Variants in CTTNBP2NL observed in about 807,000 individuals in gnomAD.
CTTNBP2NL encodes the protein CTTNBP2 N-terminal like.
A neutral mutation model predicts 32.5 loss-of-function variants in CTTNBP2NL; 16 were observed. The ratio of observed to expected loss-of-function variants is 0.49; its 90% CI spans 0.33 to 0.75. The LOEUF is 0.75. Ranked by LOEUF, CTTNBP2NL falls within the 30% of genes least tolerant of loss-of-function variation. The probability of loss-of-function intolerance (pLI) is 0.02; values close to 1 mark genes in which losing one functional copy is unlikely to be tolerated. For missense variants in CTTNBP2NL, 645 were observed against 756.0 expected (o/e 0.85, Z 1.72); for synonymous variants, 298 against 289.4 (o/e 1.03, Z -0.30).
chr1:112,420,950 A>T (rs889108822), intron 3 of CTTNBP2NL, among the ~76,000 whole-genome samples: 15 of 152,226 alleles, frequency 9.9e-5, no homozygotes, highest in African/African-American at 3.6e-4. Flanking sequence ...ACTCAATTGT[A>T]GTGTGATCTT....
At chr1:112,442,759 C>T (rs1649933201) in intron 3 of CTTNBP2NL, among the ~76,000 whole-genome samples, 1 of 151,782 alleles carries the variant, frequency 6.6e-6, no homozygotes, top group Non-Finnish European at 1.5e-5. Flanking sequence ...GGAGCAATCT[C>T]AGCTCACTAT....
chr1:112,431,525 G>A (rs932747409), intron 3 of CTTNBP2NL, among the ~76,000 whole-genome samples: 4 of 152,148 alleles, frequency 2.6e-5, no homozygotes, highest in Non-Finnish European at 4.4e-5. Context: ...AAATTGTTTT[G>A]TTAGAAAAGC....
chr1:112,452,333 T>C (rs970598443), intron 4 of CTTNBP2NL, among the ~76,000 whole-genome samples: 4 of 135,310 alleles, frequency 3.0e-5, no homozygotes, highest in Non-Finnish European at 6.1e-5. Context: ...CACCAGTCTC[T>C]TCTTTTTTTT....
intron 1 of CTTNBP2NL, among the ~76,000 whole-genome samples, chr1:112,403,241 C>T (rs1217046048): frequency 1.3e-5 from 2 of 152,160 alleles, no homozygotes; most frequent in Non-Finnish European, 2.9e-5. Flanking sequence ...GTCAAGTCAG[C>T]CCTGTACTGT....
chr1:112,406,807 G>C (rs1028438586), intron 1 of CTTNBP2NL, among the ~76,000 whole-genome samples: 4 of 152,052 alleles, frequency 2.6e-5, no homozygotes, highest in Non-Finnish European at 5.9e-5. Flanking sequence ...TGGTAACCTG[G>C]AATCTGCTTT....
intron 3 of CTTNBP2NL, among the ~76,000 whole-genome samples, chr1:112,420,489 C>CA (rs1426436178): frequency 6.6e-6 from 1 of 151,340 alleles, no homozygotes. Flanking sequence ...TTTCTGGAGA[C>CA]AGAGTCTTAC....
chr1:112,439,082 A>C (rs1356286912), intron 3 of CTTNBP2NL, among the ~76,000 whole-genome samples: 1 of 152,150 alleles, frequency 6.6e-6, no homozygotes, highest in Non-Finnish European at 1.5e-5. Context: ...GACTTGTGAC[A>C]TAGGGCTTGT....
intron 1 of CTTNBP2NL, among the ~76,000 whole-genome samples, chr1:112,397,927 G>A (rs1648378232): frequency 6.6e-6 from 1 of 152,200 alleles, no homozygotes; most frequent in African/African-American, 2.4e-5. Flanking sequence ...TAGGTTTGAA[G>A]TTTTCAGAGC....
intron 4 of CTTNBP2NL, among the ~76,000 whole-genome samples, chr1:112,452,336 T>TTG (rs999792457): frequency 1.2e-4 from 7 of 57,030 alleles, no homozygotes; most frequent in Admixed American, 1.9e-4. Flanking sequence ...CAGTCTCTTC[T>TTG]TTTTTTTTTT....
At chr1:112,415,986 T>A in intron 2 of CTTNBP2NL, 171 bp from the exon 3 acceptor site, 1 of 532,822 alleles carries the variant, frequency 1.9e-6, no homozygotes. Flanking sequence ...CTTTCTGTTG[T>A]TGCTTAGTTT....
chr1:112,452,800 C>T (rs554611029), intron 4 of CTTNBP2NL, among the ~76,000 whole-genome samples: 1 of 151,930 alleles, frequency 6.6e-6, no homozygotes, highest in South Asian at 2.1e-4. Flanking sequence ...CCTCACCATG[C>T]CTGGCTAATT....
At chr1:112,407,378 G>A (rs996210778) in intron 1 of CTTNBP2NL, among the ~76,000 whole-genome samples, 1 of 152,192 alleles carries the variant, frequency 6.6e-6, no homozygotes, top group African/African-American at 2.4e-5. Context: ...AGAAGTCTGA[G>A]ATCAATGTGT....
At chr1:112,395,250 A>G (rs532853484), upstream of CTTNBP2NL, among the ~76,000 whole-genome samples, 2 of 152,352 alleles carry the variant, frequency 1.3e-5, no homozygotes, top group East Asian at 3.9e-4. Context: ...TGGTTATTGT[A>G]AATGTAACCA....
At chr1:112,433,675 C>T (rs560137207) in intron 3 of CTTNBP2NL, among the ~76,000 whole-genome samples, 1 of 152,334 alleles carries the variant, frequency 6.6e-6, no homozygotes, top group Admixed American at 6.5e-5. Flanking sequence ...CCATAAGCAA[C>T]TATTCTTAAT....
chr1:112,429,541 G>GT (rs1649500193), intron 3 of CTTNBP2NL, among the ~76,000 whole-genome samples: 1 of 152,260 alleles, frequency 6.6e-6, no homozygotes, highest in Middle Eastern at 3.4e-3. Context: ...AAAAATGCAT[G>GT]TATCTAGAAG....
chr1:112,430,589 G>C (rs1302152904), intron 3 of CTTNBP2NL, among the ~76,000 whole-genome samples: 1 of 64,814 alleles, frequency 1.5e-5, no homozygotes, highest in African/African-American at 4.8e-5. Context: ...GTCTGACTCT[G>C]TTGCCCAGGC....
At chr1:112,409,405 C>T (rs1237226514) in intron 1 of CTTNBP2NL, among the ~76,000 whole-genome samples, 1 of 151,990 alleles carries the variant, frequency 6.6e-6, no homozygotes, top group Non-Finnish European at 1.5e-5. Flanking sequence ...AAAAATTAGT[C>T]CAGTTGATTT....
In CTTNBP2NL at chr1:112,405,752, T is replaced by TAC. The variant is rs796189042; in HGVS notation, c.-133-6431_-133-6430dup. ...TATGAGAGACAGAGAAAGAGATGTG[T>TAC]ACACACACACACTTACACATTCACA... is the stretch of plus-strand genomic sequence containing the variant. On this transcript the variant is annotated intron_variant, in intron 1 of 5. Transcript: ENST00000271277. Among the ~76,000 whole-genome samples the TAC allele has an allele frequency of 4.6e-5, 7 of 152,260 alleles. No individual in the cohort carries two copies. The South Asian group carries it at 6.2e-4, about 14-fold the overall frequency.
chr1:112,410,597 A>G (rs1193107472), intron 1 of CTTNBP2NL, among the ~76,000 whole-genome samples: 2 of 152,218 alleles, frequency 1.3e-5, no homozygotes, highest in East Asian at 1.9e-4. Context: ...TAATTTGTCT[A>G]CAAGTGGTTT....
Sources: allele counts gnomAD v4.1 joint callset (sites outside exome capture counted in the v4.1 genomes callset), GRCh38; gene constraint gnomAD v4.1.1; transcripts MANE v1.5; gene names NCBI Gene and HGNC (gene_info 2026-07-23, HGNC 2026-07-21).